The following CACNA1H variants were observed in gnomAD, a reference collection of about 807,000 sequenced individuals.
CACNA1H encodes calcium voltage-gated channel subunit alpha1 H, also known as voltage-dependent T-type calcium channel subunit alpha-1H.
A neutral mutation model predicts 192.5 loss-of-function variants in CACNA1H; 149 were observed. The ratio of observed to expected loss-of-function variants is 0.77; its 90% CI spans 0.68 to 0.89. The LOEUF (loss-of-function observed/expected upper bound fraction) is 0.89, where lower values mean the gene tolerates loss of function less well. CACNA1H is among the 40% of genes least tolerant of loss of function. The pLI, the probability that CACNA1H is intolerant of heterozygous loss-of-function variation, is 0.00. For missense variants in CACNA1H, 4,257 were observed against 3,423.5 expected (o/e 1.24, Z -6.08); for synonymous variants, 2,202 against 1,475.2 (o/e 1.49, Z -11.29).
In CACNA1H at chr16:1,216,917, T is replaced by C. The variant is rs931726096; in HGVS notation, c.5245-15T>C. On this transcript the variant is annotated splice_polypyrimidine_tract_variant and intron_variant, in intron 30 of 34. Coordinates refer to ENST00000348261, the MANE Select transcript of CACNA1H (RefSeq NM_021098.3). ...GCCCGCCCGTCTGACCCAGCTCTGC[T>C]TCTCTCTTGTGTAGGTGGGGAACCT... 3 of 1,595,004 alleles carry C rather than the reference T, an allele frequency of 1.9e-6. No homozygotes were observed. Among genetic ancestry groups the C allele is most frequent in the African/African-American group, 1.3e-5 (1 of 74,680 alleles).
intron 9 of CACNA1H, among the ~76,000 whole-genome samples, chr16:1,203,482 C>T (rs1337703994): frequency 6.6e-6 from 1 of 152,136 alleles, no homozygotes; most frequent in Non-Finnish European, 1.5e-5. Context: ...AGGAATGCGG[C>T]TGTGGGGGTT....
rs931579143 is a variant in CACNA1H at position 1,180,247 on chromosome 16, G to A, written c.300-14725G>A. On this transcript the variant is annotated intron_variant, in intron 2 of 34. Transcript: ENST00000348261. This position sits in a 1 kb window ranked among gnomAD's most constrained non-coding sequence, Gnocchi z 4.4. ...TGCAGAACACGGGGCGTTGCAGGCC[G>A]GAGCTGGGTTTTCACACAGATTGAG... 5.9e-5 allele frequency among the ~76,000 whole-genome samples: 9 copies of A among 152,224 alleles called. No homozygotes were observed. The highest frequency in any genetic ancestry group is 1.0e-4 in the Non-Finnish European group (7 of 68,050).
chr16:1,204,508 C>T lies in CACNA1H; in HGVS notation c.2451+50C>T, dbSNP rs574417804. 2.3e-4 allele frequency: 325 copies of T among 1,426,044 alleles called. 4 individuals are homozygous for T. The East Asian group carries it at 5.5e-3, about 24-fold the overall frequency. The allele number at this position is 1,426,044 out of a possible 1,614,324, so 88.3% of individuals were successfully genotyped here. A position where few individuals can be genotyped will look rare whatever the true frequency, so the allele number is the denominator to read the frequency against. On this transcript the variant is annotated intron_variant, in intron 10 of 34. Coordinates refer to ENST00000348261, the MANE Select transcript of CACNA1H (RefSeq NM_021098.3). ...TGGGCTCCCTGTCAGGCTTGCAGGG[C>T]CTGGGGAGTCTCAGGAGGCTTCCAG...
intron 21 of CACNA1H, 68 bp from the exon 22 acceptor site, chr16:1,211,100 C>T: frequency 1.9e-6 from 3 of 1,585,778 alleles, no homozygotes; most frequent in South Asian, 2.3e-5. Context: ...GGGACCTTTG[C>T]TGAGCTCTGC....
chr16:1,177,959 C>T (rs894751152), intron 2 of CACNA1H, among the ~76,000 whole-genome samples: 1 of 151,718 alleles, frequency 6.6e-6, no homozygotes, highest in Admixed American at 6.6e-5. Context: ...GGGCACCGCC[C>T]TTTCTCCCTG....
chr16:1,207,819 T>C lies in CACNA1H; in HGVS notation c.3113T>C (p.Phe1038Ser), dbSNP rs1463793383. 1.2e-6 allele frequency: 2 copies of C among 1,602,244 alleles called. No homozygotes were observed. The highest frequency in any genetic ancestry group is 2.7e-5 in the African/African-American group (2 of 74,660). Residue 1038 changes from phenylalanine to serine, a missense_variant, in exon 15 of 35, where the codon TTC becomes TCC. Phe to Ser is a radical substitution (Grantham distance 155). Coordinates refer to ENST00000348261, the MANE Select transcript of CACNA1H (RefSeq NM_021098.3). The stretch of plus-strand genomic sequence containing the variant: ...GACGAGGACAAGACGTCGGTCCACT[T>C]CGAGGAGGACTTCCACAAGCTCAGA... Reference protein sequence around the residue: ...DTDEDKTSVHFEEDFHKLREL... With the variant: ...DTDEDKTSVHSEEDFHKLREL...
At chr16:1,209,564 G>A in intron 17 of CACNA1H, 152 bp downstream of exon 17, 9 of 920,080 alleles carry the variant, frequency 9.8e-6, no homozygotes, top group Non-Finnish European at 1.5e-5. Flanking sequence ...GAGGAATCCA[G>A]CAGTGTTCAG....
intron 2 of CACNA1H, among the ~76,000 whole-genome samples, chr16:1,169,456 C>T (rs1023742960): frequency 3.9e-5 from 6 of 152,220 alleles, no homozygotes; most frequent in African/African-American, 1.2e-4. Flanking sequence ...AGCATGCCCG[C>T]GGCCCCCGCG....
At chr16:1,212,247 C>T in intron 25 of CACNA1H, 109 bp downstream of exon 25, 1 of 1,426,638 alleles carries the variant, frequency 7.0e-7, no homozygotes, top group African/African-American at 1.4e-5. Flanking sequence ...CTCTGCACGC[C>T]ACCCGCCTTG....
chr16:1,201,601 G>A (rs373131993), intron 8 of CACNA1H, 62 bp from the exon 9 acceptor site: 4 of 1,496,306 alleles, frequency 2.7e-6, no homozygotes, highest in Non-Finnish European at 2.7e-6. Context: ...GCACAGTAGG[G>A]CTCAGTGGCG....
Position 1,180,235 on chromosome 16 carries a change from G to T in CACNA1H, c.300-14737G>T, listed in dbSNP as rs753005336. Among the ~76,000 whole-genome samples the T allele has an allele frequency of 3.3e-5, 5 of 152,216 alleles. No homozygotes were observed. On this transcript the variant is annotated intron_variant, in intron 2 of 34. Coordinates refer to ENST00000348261, the MANE Select transcript of CACNA1H (RefSeq NM_021098.3). This position sits in a 1 kb window ranked among gnomAD's most constrained non-coding sequence, Gnocchi z 4.4. The stretch of plus-strand genomic sequence containing the variant: ...GTGCGTCCGCATTGCAGAACACGGG[G>T]CGTTGCAGGCCGGAGCTGGGTTTTC...
chr16:1,207,192 G>T, intron 13 of CACNA1H, 74 bp downstream of exon 13: 1 of 1,547,364 alleles, frequency 6.5e-7, no homozygotes, highest in Non-Finnish European at 8.8e-7. Flanking sequence ...GCCGTCCTGC[G>T]CATCCATAGC....
In CACNA1H at chr16:1,218,758, A is replaced by G. The variant is rs2738892; in HGVS notation, c.5887+107A>G. 830,113 of 1,191,604 alleles carry G rather than the reference A, an allele frequency of 0.7. 294,250 individuals carry two copies. Among genetic ancestry groups the G allele is most frequent in the East Asian group, 0.98 (38,044 of 38,780 alleles). The allele number at this position is 1,191,604 out of a possible 1,614,324, so 73.8% of individuals were successfully genotyped here. On this transcript the variant is annotated intron_variant, in intron 33 of 34. Coordinates refer to ENST00000348261, the MANE Select transcript of CACNA1H (RefSeq NM_021098.3). ...GGTCAGGCCAGAGCAGGGCAAGAGGAAGGATGGGCGGGAAGGAGGATGGGG... is the reference window on the plus strand; with the variant it reads ...GGTCAGGCCAGAGCAGGGCAAGAGGGAGGATGGGCGGGAAGGAGGATGGGG...
rs992931392 is a variant in CACNA1H, at chr16:1,221,688, C to G, written c.*694C>G. ...GCTTTTAAATTCAGGTTAAATGTTG[C>G]AATAATCTGATGCAGAAGACTCAGC... is the stretch of plus-strand genomic sequence containing the variant. On this transcript the variant is annotated 3_prime_UTR_variant, in exon 35 of 35. Transcript: ENST00000348261. 8.3e-7 allele frequency: 1 copy of G among 1,210,000 alleles called. No individual in the cohort carries two copies. Among genetic ancestry groups the G allele is most frequent in the East Asian group, 2.5e-5 (1 of 39,404 alleles). 75.0% of individuals were successfully genotyped at this position (1,210,000 alleles called of 1,614,324 possible).
At chr16:1,164,038 G>C (rs1203606848) in intron 2 of CACNA1H, among the ~76,000 whole-genome samples, 3 of 152,226 alleles carry the variant, frequency 2.0e-5, no homozygotes, top group East Asian at 1.9e-4. Context: ...GGTGCTGCTG[G>C]GGTGTGAGAC....
chr16:1,161,740 C>A (rs979861242), intron 2 of CACNA1H, among the ~76,000 whole-genome samples: 2 of 152,278 alleles, frequency 1.3e-5, no homozygotes, highest in African/African-American at 4.8e-5. Context: ...CCCGTCCAGT[C>A]GGTGGGTGGC....
rs368201539 is a variant in CACNA1H, at chr16:1,205,245, C to G, written c.2583C>G (p.Asp861Glu). 4 of 1,608,200 alleles carry G rather than the reference C, an allele frequency of 2.5e-6. No homozygotes were observed. Among genetic ancestry groups the G allele is most frequent in the South Asian group, 1.1e-5 (1 of 90,932 alleles). Residue 861 changes from aspartate to glutamate, a missense_variant, in exon 11 of 35, where the codon GAC (aspartate) becomes GAG (glutamate). Asp to Glu is a conservative substitution (Grantham distance 45). Transcript: ENST00000348261. ...GYIRNPYNIF[D>E]GIIVVISVWE... ...TCCGGAACCCGTACAACATCTTCGA[C>G]GGCATCATCGTGGTCATCAGGTGGG... is the stretch of plus-strand genomic sequence containing the variant.
In CACNA1H at chr16:1,155,909, C is replaced by T. The variant is rs960187620; in HGVS notation, c.299+1873C>T. On this transcript the variant is annotated intron_variant, in intron 2 of 34. Coordinates refer to ENST00000348261, the MANE Select transcript of CACNA1H (RefSeq NM_021098.3). The stretch of plus-strand genomic sequence containing the variant: ...CGCTGTCCCCCGGTGTCCTGAGGAG[C>T]TGTCCTTTTGGGCTTTGTGACCTGA... 3.3e-5 allele frequency among the ~76,000 whole-genome samples: 5 copies of T among 152,114 alleles called. No individual in the cohort carries two copies. The East Asian group carries it at 9.7e-4, about 29-fold the overall frequency.
rs76536730 is a variant in CACNA1H at position 1,176,087 on chromosome 16, C to G, written c.300-18885C>G. Among the ~76,000 whole-genome samples, 125 of 152,372 alleles carry G rather than the reference C, an allele frequency of 8.2e-4. 1 individual carries two copies. In the East Asian group the frequency reaches 0.021, roughly 25 times the overall value. Reference sequence around the variant, plus strand: ...CACACCGTGTCTAGCGGGCTCTGATCTTTACACCTCATCGCAGATTGGCTT... The same window carrying G: ...CACACCGTGTCTAGCGGGCTCTGATGTTTACACCTCATCGCAGATTGGCTT... On this transcript the variant is annotated intron_variant, in intron 2 of 34. Coordinates refer to ENST00000348261, the MANE Select transcript of CACNA1H (RefSeq NM_021098.3).
Sources: allele counts gnomAD v4.1 joint callset (sites outside exome capture counted in the v4.1 genomes callset), GRCh38; gene constraint gnomAD v4.1.1; non-coding constraint Gnocchi (gnomAD v3.1); transcripts MANE v1.5; gene names NCBI Gene and HGNC (gene_info 2026-07-23, HGNC 2026-07-21).